The following MED9 variants were observed in gnomAD, a reference collection of about 807,000 sequenced individuals.
MED9 encodes mediator complex subunit 9, also known as mediator of RNA polymerase II transcription subunit 9.
In MED9, 8 loss-of-function variants were observed where a neutral mutation model predicts 13.2. The observed-to-expected ratio is 0.61, with a 90% CI of 0.36 to 1.10. The LOEUF (loss-of-function observed/expected upper bound fraction) is 1.10. Among genes scored for constraint, MED9 ranks in the 50% least tolerant of loss-of-function variants. The probability of loss-of-function intolerance (pLI) is 0.02; values close to 1 mark genes in which losing one functional copy is unlikely to be tolerated. For synonymous variants in MED9, 87 were observed against 82.8 expected, an observed-to-expected ratio of 1.05 and a Z score of -0.28; for missense variants, 180 against 193.4, an observed-to-expected ratio of 0.93 and a Z score of 0.41.
chr17:17,477,012 C>T lies in MED9; in HGVS notation c.-30C>T, dbSNP rs745665982. On this transcript the variant is annotated 5_prime_UTR_variant, in exon 1 of 2. Transcript: ENST00000268711. ...TAGAGTGCGCGACGCTTTTGGCGAC[C>T]CGACCTCTGGCTAACCTACCCCCGG... The T allele has an allele frequency of 1.9e-6, 3 of 1,601,814 alleles. No individual in the cohort carries two copies. Among genetic ancestry groups the T allele is most frequent in the Non-Finnish European group, 2.5e-6 (3 of 1,179,376 alleles).
At chr17:17,482,897 A>G (rs1396574803) in intron 1 of MED9, among the ~76,000 whole-genome samples, 1 of 152,086 alleles carries the variant, frequency 6.6e-6, no homozygotes, top group Non-Finnish European at 1.5e-5. Context: ...GAATTCCCAC[A>G]TGTTTTCTGA....
rs200340000 is a variant in MED9 at position 17,491,477 on chromosome 17, C to T, written c.423C>T (p.Phe141=). 58 of 1,613,008 alleles carry T rather than the reference C, an allele frequency of 3.6e-5. No individual in the cohort carries two copies. The East Asian group carries it at 8.5e-4, about 24-fold the overall frequency. The change falls in exon 2 of 2, where the codon TTC becomes TTT. Residue 141 remains phenylalanine, a synonymous_variant. Transcript: ENST00000268711. ...LLQKYKSLCM[F]EIPKE The stretch of plus-strand genomic sequence containing the variant: ...AAAAGTACAAGAGCCTCTGCATGTT[C>T]GAAATCCCCAAGGAGTAGAGTGAGG...
chr17:17,492,748 C>G lies in MED9; in HGVS notation c.*1253C>G, dbSNP rs1905265482. 1 of 152,284 alleles carries G rather than the reference C, an allele frequency of 6.6e-6. No individual in the cohort carries two copies. The highest frequency in any genetic ancestry group is 6.5e-5 in the Admixed American group (1 of 15,278). The allele number at this position is 152,284 out of a possible 1,614,324, so 9.4% of individuals were successfully genotyped here. A position where few individuals can be genotyped will look rare whatever the true frequency, so the allele number is the denominator to read the frequency against. On this transcript the variant is annotated 3_prime_UTR_variant, in exon 2 of 2. Coordinates refer to ENST00000268711, the MANE Select transcript of MED9 (RefSeq NM_018019.3). ...GACCAGTTTAGGGGCTTAGCAGATG[C>G]CTGCCAGCTGACCTCGTTGGCAGGA...
chr17:17,479,512 G>A (rs1439781685), intron 1 of MED9, among the ~76,000 whole-genome samples: 3 of 96,310 alleles, frequency 3.1e-5, no homozygotes, highest in African/African-American at 1.1e-4. Context: ...GGACAGAGAA[G>A]GGAGTTTAAA....
Position 17,491,521 on chromosome 17 carries a change from G to A in MED9, c.*26G>A, listed in dbSNP as rs781755008. On this transcript the variant is annotated 3_prime_UTR_variant, in exon 2 of 2. Coordinates refer to ENST00000268711, the MANE Select transcript of MED9 (RefSeq NM_018019.3). ...AGTGAGGCTGACTTCCTTAGAAAGA[G>A]GGGGAAGCCAATGGCCTGTCTCCCC... The A allele has an allele frequency of 3.8e-6, 6 of 1,582,672 alleles. No homozygotes were observed. The highest frequency in any genetic ancestry group is 4.3e-6 in the Non-Finnish European group (5 of 1,152,914).
chr17:17,480,346 G>GA (rs372717254), intron 1 of MED9, among the ~76,000 whole-genome samples: 179 of 140,022 alleles, frequency 1.3e-3, no homozygotes, highest in South Asian at 6.5e-3. Context: ...AAAGACATTG[G>GA]AAAAAAAAAA....
In MED9 at chr17:17,477,170, G is replaced by A; in HGVS notation, c.129G>A (p.Pro43=). 1 of 1,609,780 alleles carries A rather than the reference G, an allele frequency of 6.2e-7. No individual in the cohort carries two copies. Among genetic ancestry groups the A allele is most frequent in the Non-Finnish European group, 8.5e-7 (1 of 1,178,024 alleles). ...PQPPPVPAPQ[P]QQSPAPRPQS... is the part of the protein sequence containing the mutation. ...CGCCGCCGGTCCCTGCGCCTCAACC[G>A]CAGCAGTCGCCGGCGCCACGGCCTC... The change falls in exon 1 of 2, where the codon CCG becomes CCA. Residue 43 remains proline, a synonymous_variant. Coordinates refer to ENST00000268711, the MANE Select transcript of MED9 (RefSeq NM_018019.3).
chr17:17,482,752 C>G (rs77199448), intron 1 of MED9, among the ~76,000 whole-genome samples: 1 of 152,106 alleles, frequency 6.6e-6, no homozygotes, highest in African/African-American at 2.4e-5. Context: ...CCATTTTTTA[C>G]TTGTAATTCT....
At position 17,477,026 on chromosome 17, in the gene MED9, A is replaced by C; in HGVS notation, c.-16A>C. On this transcript the variant is annotated 5_prime_UTR_variant, in exon 1 of 2. Coordinates refer to ENST00000268711, the MANE Select transcript of MED9 (RefSeq NM_018019.3). Reference sequence around the variant, plus strand: ...CTTTTGGCGACCCGACCTCTGGCTAACCTACCCCCGGAGCCATGGCCTCTG... The same window carrying C: ...CTTTTGGCGACCCGACCTCTGGCTACCCTACCCCCGGAGCCATGGCCTCTG... The C allele has an allele frequency of 6.2e-7, 1 of 1,603,872 alleles. No individual in the cohort carries two copies. Among genetic ancestry groups the C allele is most frequent in the Non-Finnish European group, 8.5e-7 (1 of 1,179,562 alleles).
At position 17,483,404 on chromosome 17, in the gene MED9, C is replaced by T. The variant is rs1022373769; in HGVS notation, c.224+6139C>T. On this transcript the variant is annotated intron_variant, in intron 1 of 1. Coordinates refer to ENST00000268711, the MANE Select transcript of MED9 (RefSeq NM_018019.3). The surrounding 1 kb of genome is among the most constrained non-coding windows in gnomAD (Gnocchi z 4.2). Reference sequence around the variant, plus strand: ...CTTGCTGCAGGTGCTGTTGGGTGGGCGGAGTCCTCCAGGCTGGCAGACCCT... The same window carrying T: ...CTTGCTGCAGGTGCTGTTGGGTGGGTGGAGTCCTCCAGGCTGGCAGACCCT... Among the ~76,000 whole-genome samples the T allele has an allele frequency of 2.6e-5, 4 of 152,132 alleles. No homozygotes were observed. The highest frequency in any genetic ancestry group is 9.7e-5 in the African/African-American group (4 of 41,412).
intron 1 of MED9, among the ~76,000 whole-genome samples, chr17:17,478,882 A>G (rs939836579): frequency 7.2e-5 from 11 of 152,028 alleles, no homozygotes; most frequent in Non-Finnish European, 1.5e-4. Flanking sequence ...AGTAATGCTT[A>G]TAGGATAAGG....
intron 1 of MED9, 57 bp from the exon 2 acceptor site, chr17:17,491,222 A>G (rs1231187484): frequency 6.7e-7 from 1 of 1,494,202 alleles, no homozygotes; most frequent in Non-Finnish European, 9.3e-7. Flanking sequence ...GGTGCAGGGC[A>G]GGAACGCCAA....
At chr17:17,481,516 C>G (rs775824147) in intron 1 of MED9, among the ~76,000 whole-genome samples, 5 of 152,204 alleles carry the variant, frequency 3.3e-5, no homozygotes, top group African/African-American at 4.8e-5. Context: ...TAAGTTCCTT[C>G]TGGGAATTAC....
Position 17,491,523 on chromosome 17 carries a change from G to C in MED9, c.*28G>C. 3 of 1,581,328 alleles carry C rather than the reference G, an allele frequency of 1.9e-6. No homozygotes were observed. Among genetic ancestry groups the C allele is most frequent in the Non-Finnish European group, 2.6e-6 (3 of 1,151,798 alleles). ...TGAGGCTGACTTCCTTAGAAAGAGGGGGAAGCCAATGGCCTGTCTCCCCAC... is the reference window on the plus strand; with the variant it reads ...TGAGGCTGACTTCCTTAGAAAGAGGCGGAAGCCAATGGCCTGTCTCCCCAC... On this transcript the variant is annotated 3_prime_UTR_variant, in exon 2 of 2. Coordinates refer to ENST00000268711, the MANE Select transcript of MED9 (RefSeq NM_018019.3).
In MED9 at chr17:17,491,419, G is replaced by A. The variant is rs757114245; in HGVS notation, c.365G>A (p.Arg122Gln). Residue 122 changes from arginine (R) to glutamine (Q), a missense_variant, in exon 2 of 2, where the codon CGG becomes CAG. Coordinates refer to ENST00000268711, the MANE Select transcript of MED9 (RefSeq NM_018019.3). ...EQQQQQLQSL[R>Q]EQVRTKNELL... Reference sequence around the variant, plus strand: ...CAGCAGCAGCAGCTGCAGAGCCTCCGGGAGCAAGTCAGGACCAAGAATGAG... The same window carrying A: ...CAGCAGCAGCAGCTGCAGAGCCTCCAGGAGCAAGTCAGGACCAAGAATGAG... 24 of 1,613,914 alleles carry A rather than the reference G, an allele frequency of 1.5e-5. No individual in the cohort carries two copies. The highest frequency in any genetic ancestry group is 3.3e-5 in the Admixed American group (2 of 60,006).
At chr17:17,485,420 T>G in intron 1 of MED9, 1 of 397,548 alleles carries the variant, frequency 2.5e-6, no homozygotes, top group Non-Finnish European at 4.4e-6. Context: ...CTGCTCAGAC[T>G]TGGGTTTCTA....
intron 1 of MED9, among the ~76,000 whole-genome samples, chr17:17,482,602 C>A (rs1179436499): frequency 6.6e-6 from 1 of 152,074 alleles, no homozygotes; most frequent in Non-Finnish European, 1.5e-5. Context: ...ATTTGTTTTT[C>A]ATTCAGATGC....
At position 17,485,237 on chromosome 17, in the gene MED9, A is replaced by G. The variant is rs539925647; in HGVS notation, c.225-6042A>G. ...TAGAGACAGGGTTTCGTCTCTGTCT[A>G]CAGGCACACGCCACCACGCCTTTGT... On this transcript the variant is annotated intron_variant, in intron 1 of 1. Transcript: ENST00000268711. The G allele has an allele frequency of 7.3e-5, 29 of 396,880 alleles. No individual in the cohort carries two copies. The East Asian group carries it at 9.6e-4, about 13-fold the overall frequency. 24.6% of individuals were successfully genotyped at this position (396,880 alleles called of 1,614,324 possible). A position where few individuals can be genotyped will look rare whatever the true frequency, so the allele number is the denominator to read the frequency against.
intron 1 of MED9, among the ~76,000 whole-genome samples, chr17:17,478,667 G>A (rs528981310): frequency 5.9e-5 from 9 of 152,252 alleles, no homozygotes; most frequent in African/African-American, 2.2e-4. Flanking sequence ...GACCAGCCTC[G>A]TCGACATGGC....
Sources: gnomAD v4.1 joint callset for allele counts (sites outside exome capture counted in the v4.1 genomes callset) on GRCh38, gnomAD v4.1.1 for gene constraint, Gnocchi (gnomAD v3.1) non-coding constraint, MANE v1.5 for transcripts, NCBI Gene and HGNC (gene_info 2026-07-23, HGNC 2026-07-21) for gene names.